PLCB1: variants seen among roughly 807,000 people sequenced by gnomAD.
PLCB1 encodes phospholipase C beta 1.
In PLCB1, 46 loss-of-function variants were observed where a neutral mutation model predicts 161.8. That is an observed-to-expected ratio of 0.28 (90% CI 0.22 to 0.36). The LOEUF (loss-of-function observed/expected upper bound fraction) is 0.36. PLCB1 is among the 10% of genes least tolerant of loss of function. The pLI, the probability that PLCB1 is intolerant of heterozygous loss-of-function variation, is 1.00. For synonymous variants in PLCB1, 517 were observed against 503.7 expected, an observed-to-expected ratio of 1.03 and a Z score of -0.35; for missense variants, 1,016 against 1,472.5, an observed-to-expected ratio of 0.69 and a Z score of 5.07.
At chr20:8,584,130 C>A (rs1250489840) in intron 3 of PLCB1, among the ~76,000 whole-genome samples, 1 of 152,096 alleles carries the variant, frequency 6.6e-6, no homozygotes, top group African/African-American at 2.4e-5. Context: ...TAATAGAAAT[C>A]GCTTTGAACA....
Position 8,757,040 on chromosome 20 carries a change from T to A in PLCB1, c.2524-6T>A, listed in dbSNP as rs1981770914. On this transcript the variant is annotated splice_region_variant and splice_polypyrimidine_tract_variant and intron_variant, in intron 23 of 31. Transcript: ENST00000338037. ...GTGGAAAATGAAAGGATATTTATAATTTTAGGCTGATCCTGGAGAAACACC... is the reference window on the plus strand; with the variant it reads ...GTGGAAAATGAAAGGATATTTATAAATTTAGGCTGATCCTGGAGAAACACC... 6.3e-7 allele frequency: 1 copy of A among 1,593,586 alleles called. No individual in the cohort carries two copies. The highest frequency in any genetic ancestry group is 8.5e-7 in the Non-Finnish European group (1 of 1,171,746).
At chr20:8,397,124 G>A (rs1201750856) in intron 3 of PLCB1, among the ~76,000 whole-genome samples, 1 of 151,796 alleles carries the variant, frequency 6.6e-6, no homozygotes, top group African/African-American at 2.4e-5. Context: ...TTGTATAGTG[G>A]CAATTTTGAT....
chr20:8,718,873 G>A (rs1316316004), intron 14 of PLCB1, among the ~76,000 whole-genome samples: 1 of 152,168 alleles, frequency 6.6e-6, no homozygotes, highest in Non-Finnish European at 1.5e-5. Context: ...ATGATATGCT[G>A]AAGAGTTCTG....
intron 3 of PLCB1, among the ~76,000 whole-genome samples, chr20:8,566,014 A>T (rs867224383): frequency 6.6e-5 from 10 of 152,168 alleles, no homozygotes; most frequent in Admixed American, 6.6e-4. Flanking sequence ...ATTATATATT[A>T]AAAAAATCAA....
intron 2 of PLCB1, among the ~76,000 whole-genome samples, chr20:8,342,920 GC>G (rs1242279732): frequency 2.0e-5 from 3 of 152,160 alleles, no homozygotes; most frequent in Non-Finnish European, 2.9e-5. Context: ...GATGCTGGGG[GC>G]CCTCAAATCC....
At chr20:8,442,661 T>C (rs1226981261) in intron 3 of PLCB1, among the ~76,000 whole-genome samples, 1 of 152,228 alleles carries the variant, frequency 6.6e-6, no homozygotes, top group Non-Finnish European at 1.5e-5. Context: ...AATTATCATC[T>C]TTTGAAGGTA....
chr20:8,587,804 C>G (rs919348220), intron 3 of PLCB1, among the ~76,000 whole-genome samples: 2 of 152,200 alleles, frequency 1.3e-5, no homozygotes, highest in South Asian at 2.1e-4. Flanking sequence ...GGTAAGGAGT[C>G]CTGGGTTTGA....
intron 31 of PLCB1, among the ~76,000 whole-genome samples, chr20:8,820,933 C>A (rs1985316765): frequency 6.7e-6 from 1 of 150,218 alleles, no homozygotes; most frequent in South Asian, 2.1e-4. Flanking sequence ...CAAAATGAAT[C>A]AATATTTTAG....
At chr20:8,408,496 C>T (rs1978886297) in intron 3 of PLCB1, among the ~76,000 whole-genome samples, 1 of 151,422 alleles carries the variant, frequency 6.6e-6, no homozygotes, top group South Asian at 2.1e-4. Context: ...TAAAACTGTT[C>T]TGAATTGGAA....
intron 31 of PLCB1, among the ~76,000 whole-genome samples, chr20:8,798,883 A>G (rs1326490208): frequency 1.2e-5 from 1 of 82,496 alleles, no homozygotes; most frequent in African/African-American, 5.1e-5. Context: ...TAAAAATCAG[A>G]AAATGTTTTA....
chr20:8,766,827 G>A (rs1322768342), intron 26 of PLCB1, among the ~76,000 whole-genome samples: 1 of 152,062 alleles, frequency 6.6e-6, no homozygotes, highest in East Asian at 1.9e-4. Context: ...TGCTGATTCT[G>A]CAGTTCCATG....
intron 3 of PLCB1, among the ~76,000 whole-genome samples, chr20:8,617,849 T>A (rs1447136486): frequency 6.6e-6 from 1 of 152,194 alleles, no homozygotes; most frequent in Non-Finnish European, 1.5e-5. Flanking sequence ...TATATATATA[T>A]CTTTTTAATC....
intron 3 of PLCB1, among the ~76,000 whole-genome samples, chr20:8,481,230 C>CA (rs1328292244): frequency 1.3e-5 from 2 of 151,292 alleles, no homozygotes; most frequent in African/African-American, 4.9e-5. Flanking sequence ...ACCAGGCAGA[C>CA]AAAAAAAACT....
At chr20:8,373,650 T>C (rs1986977509) in intron 3 of PLCB1, among the ~76,000 whole-genome samples, 1 of 152,238 alleles carries the variant, frequency 6.6e-6, no homozygotes, top group Non-Finnish European at 1.5e-5. Context: ...ACTCTTGGTG[T>C]ACAATAAGTA....
intron 3 of PLCB1, among the ~76,000 whole-genome samples, chr20:8,374,788 G>C (rs935605070): frequency 4.6e-5 from 7 of 152,166 alleles, no homozygotes; most frequent in Admixed American, 6.5e-5. Flanking sequence ...AAGACTTTCT[G>C]CGGGGGCTTA....
intron 31 of PLCB1, among the ~76,000 whole-genome samples, chr20:8,834,594 C>T (rs1005732675): frequency 6.6e-6 from 1 of 151,956 alleles, no homozygotes; most frequent in Admixed American, 6.6e-5. Flanking sequence ...GCGGCCAGAT[C>T]ACTTGAAGTC....
At chr20:8,294,496 G>A (rs936467399) in intron 2 of PLCB1, among the ~76,000 whole-genome samples, 4 of 151,726 alleles carry the variant, frequency 2.6e-5, no homozygotes, top group Admixed American at 6.6e-5. Flanking sequence ...TTACACATAT[G>A]TGTGCATGTA....
intron 2 of PLCB1, among the ~76,000 whole-genome samples, chr20:8,222,511 C>T (rs899397761): frequency 1.3e-5 from 2 of 151,958 alleles, no homozygotes; most frequent in African/African-American, 4.8e-5. Flanking sequence ...TTTCTCTTTA[C>T]TTTTGGTTTT....
At chr20:8,676,925 T>C (rs1990094057) in intron 9 of PLCB1, among the ~76,000 whole-genome samples, 1 of 152,112 alleles carries the variant, frequency 6.6e-6, no homozygotes, top group Non-Finnish European at 1.5e-5. Context: ...CCAAATATAT[T>C]ATGTCCATGA....
Sources: gnomAD v4.1 joint callset for allele counts (sites outside exome capture counted in the v4.1 genomes callset) on GRCh38, gnomAD v4.1.1 for gene constraint, MANE v1.5 for transcripts, NCBI Gene and HGNC (gene_info 2026-07-23, HGNC 2026-07-21) for gene names.